EML4: variants seen among roughly 807,000 people sequenced by gnomAD.
EML4 encodes the protein EMAP like 4, also known as echinoderm microtubule-associated protein-like 4.
A neutral mutation model predicts 129.0 loss-of-function variants in EML4; 72 were observed. The ratio of observed to expected loss-of-function variants is 0.56; its 90% CI spans 0.46 to 0.68. The LOEUF is 0.68. Ranked by LOEUF, EML4 falls within the 30% of genes least tolerant of loss-of-function variation. The pLI is 0.00. For missense variants in EML4, 1,363 were observed against 1,190.6 expected, an observed-to-expected ratio of 1.14 and a Z score of -2.13; for synonymous variants, 532 against 405.0, an observed-to-expected ratio of 1.31 and a Z score of -3.77.
At chr2:42,325,606 ATATATATATATAT>A (rs1669759296) in intron 20 of EML4, 52 bp downstream of exon 20, 2 of 28,692 alleles carry the variant, frequency 7.0e-5, no homozygotes, top group Non-Finnish European at 1.2e-4. Flanking sequence ...TTATATTTAT[ATATATATATATAT>A]ATATATATAT....
intron 3 of EML4, among the ~76,000 whole-genome samples, chr2:42,257,605 G>A (rs532923536): frequency 1.8e-4 from 27 of 152,186 alleles, no homozygotes; most frequent in Non-Finnish European, 3.8e-4. Context: ...GGAGGCTGAG[G>A]CGGGCGGATC....
At chr2:42,275,890 T>A (rs10490557) in intron 6 of EML4, among the ~76,000 whole-genome samples, 1 of 152,108 alleles carries the variant, frequency 6.6e-6, no homozygotes, top group Non-Finnish European at 1.5e-5. Flanking sequence ...CACCAGACTT[T>A]GTATTGTTAC....
chr2:42,180,312 G>A (rs1300904652), intron 1 of EML4, among the ~76,000 whole-genome samples: 1 of 152,164 alleles, frequency 6.6e-6, no homozygotes, highest in Non-Finnish European at 1.5e-5. Context: ...GGTAGCTGTG[G>A]TTCAGATTTA....
chr2:42,210,047 T>A (rs993144406), intron 1 of EML4, among the ~76,000 whole-genome samples: 10 of 152,160 alleles, frequency 6.6e-5, no homozygotes, highest in African/African-American at 2.4e-4. Flanking sequence ...ACACCCCCCA[T>A]TCCCTTATTA....
chr2:42,254,581 C>G (rs1675997450), intron 2 of EML4, among the ~76,000 whole-genome samples: 1 of 148,630 alleles, frequency 6.7e-6, no homozygotes, highest in African/African-American at 2.5e-5. Flanking sequence ...ATCAGTGAAA[C>G]CAAAACTTAT....
intron 14 of EML4, among the ~76,000 whole-genome samples, chr2:42,301,844 T>TTG (rs1347155387): frequency 1.3e-5 from 2 of 152,116 alleles, no homozygotes; most frequent in Non-Finnish European, 2.9e-5. Flanking sequence ...CAACCTTCAG[T>TTG]TCATACTGAA....
chr2:42,175,801 A>G (rs967187543), intron 1 of EML4, among the ~76,000 whole-genome samples: 12 of 152,334 alleles, frequency 7.9e-5, no homozygotes, highest in African/African-American at 2.6e-4. Context: ...GCCCAGCATC[A>G]TATTATTTTT....
At chr2:42,252,464 C>G (rs1198096906) in intron 2 of EML4, among the ~76,000 whole-genome samples, 1 of 152,168 alleles carries the variant, frequency 6.6e-6, no homozygotes, top group East Asian at 1.9e-4. Flanking sequence ...CTTCACATGG[C>G]TACTAGAGGG....
chr2:42,318,185 G>A (rs1171307176), intron 19 of EML4, among the ~76,000 whole-genome samples: 1 of 152,190 alleles, frequency 6.6e-6, no homozygotes, highest in Non-Finnish European at 1.5e-5. Flanking sequence ...GAAGAGAAAG[G>A]TAGGCAGTGT....
At chr2:42,286,083 A>G (rs1667292310) in intron 9 of EML4, 186 bp from the exon 10 acceptor site, 2 of 627,986 alleles carry the variant, frequency 3.2e-6, no homozygotes, top group South Asian at 3.8e-5. Context: ...ATTTGCTGCT[A>G]TTTTCTTATT....
Position 42,236,655 on chromosome 2 carries a change from T to C in EML4, c.26-8850T>C, listed in dbSNP as rs138990329. On this transcript the variant is annotated intron_variant, in intron 1 of 22. Coordinates refer to ENST00000318522, the MANE Select transcript of EML4 (RefSeq NM_019063.5). The stretch of plus-strand genomic sequence containing the variant: ...TACAGAAAAGTTTGTTGACTCCTAC[T>C]TTAGGTTAGGGTAACACAGTGGAAT... 7.9e-5 allele frequency among the ~76,000 whole-genome samples: 12 copies of C among 152,312 alleles called. No individual in the cohort carries two copies. In the East Asian group the frequency reaches 2.3e-3, roughly 29 times the overall value.
intron 17 of EML4, among the ~76,000 whole-genome samples, chr2:42,308,121 A>G (rs2103750756): frequency 6.6e-6 from 1 of 152,358 alleles, no homozygotes; most frequent in Admixed American, 6.5e-5. Context: ...AATAAGTACA[A>G]TTATCATTTT....
intron 1 of EML4, among the ~76,000 whole-genome samples, chr2:42,225,375 A>G (rs1206520488): frequency 1.3e-5 from 2 of 152,204 alleles, no homozygotes; most frequent in African/African-American, 4.8e-5. Context: ...CCAGCAATGC[A>G]CAAGAGTTCT....
intron 11 of EML4, among the ~76,000 whole-genome samples, chr2:42,292,107 T>C (rs1022139460): frequency 2.0e-5 from 3 of 152,204 alleles, no homozygotes; most frequent in Admixed American, 6.5e-5. Context: ...TTCTGAATTA[T>C]AGGAGTTTTG....
chr2:42,302,986 C>G, intron 14 of EML4, 118 bp from the exon 15 acceptor site: 1 of 878,436 alleles, frequency 1.1e-6, no homozygotes, highest in Non-Finnish European at 1.8e-6. Flanking sequence ...ATTACCATAT[C>G]CAAATTTGGG....
intron 1 of EML4, among the ~76,000 whole-genome samples, chr2:42,231,030 C>T (rs1293397607): frequency 1.3e-5 from 2 of 152,158 alleles, no homozygotes; most frequent in Non-Finnish European, 2.9e-5. Context: ...ACTCTCTTCA[C>T]CCCCGTCTGG....
intron 17 of EML4, among the ~76,000 whole-genome samples, chr2:42,314,548 C>A (rs1172152672): frequency 6.6e-6 from 1 of 152,174 alleles, no homozygotes; most frequent in African/African-American, 2.4e-5. Flanking sequence ...TTTTTCTAGT[C>A]TTGTCCTGTT....
rs188196541 is a variant in EML4 at position 42,238,997 on chromosome 2, C to T, written c.26-6508C>T. 2.8e-4 allele frequency among the ~76,000 whole-genome samples: 42 copies of T among 152,228 alleles called. No homozygotes were observed. The South Asian group carries it at 7.5e-3, about 27-fold the overall frequency. On this transcript the variant is annotated intron_variant, in intron 1 of 22. Coordinates refer to ENST00000318522, the MANE Select transcript of EML4 (RefSeq NM_019063.5). ...TTGCCCAGGCTGGTCTTGAACTCCT[C>T]GGCTCACGCAATCATCCTGCCTCAA... is the stretch of plus-strand genomic sequence containing the variant.
At chr2:42,306,524 G>T (rs932877898) in intron 17 of EML4, among the ~76,000 whole-genome samples, 1 of 76,218 alleles carries the variant, frequency 1.3e-5, no homozygotes, top group Non-Finnish European at 2.7e-5. Context: ...ATAGAGTCTC[G>T]CTCTGTCACC....
Sources: gnomAD v4.1 joint callset for allele counts (sites outside exome capture counted in the v4.1 genomes callset) on GRCh38, gnomAD v4.1.1 for gene constraint, MANE v1.5 for transcripts, NCBI Gene and HGNC (gene_info 2026-07-23, HGNC 2026-07-21) for gene names.